Variants in MAPKAP1 observed in about 807,000 individuals in gnomAD.
The protein encoded by MAPKAP1 is target of rapamycin complex 2 subunit MAPKAP1.
MAPKAP1 carries 20 observed loss-of-function variants against 65.7 expected under a neutral mutation model. That is an observed-to-expected ratio of 0.30 (90% CI 0.21 to 0.44). The LOEUF is 0.44. MAPKAP1 is among the 20% of genes least tolerant of loss of function. MAPKAP1 has a pLI of 1.00. For synonymous variants in MAPKAP1, 222 were observed against 244.3 expected, an observed-to-expected ratio of 0.91 and a Z score of 0.85; for missense variants, 423 against 648.0, an observed-to-expected ratio of 0.65 and a Z score of 3.77.
At chr9:125,615,403 A>C (rs551698555) in intron 4 of MAPKAP1, among the ~76,000 whole-genome samples, 3 of 152,122 alleles carry the variant, frequency 2.0e-5, no homozygotes, top group Non-Finnish European at 4.4e-5. Context: ...AAATGTATAT[A>C]TGGAAGGGGC....
At chr9:125,514,560 C>G (rs1338885811) in intron 7 of MAPKAP1, among the ~76,000 whole-genome samples, 1 of 152,140 alleles carries the variant, frequency 6.6e-6, no homozygotes, top group Non-Finnish European at 1.5e-5. Context: ...AACTGTGAAT[C>G]CTGGCTGCCG....
chr9:125,668,137 G>C (rs1834393947), intron 3 of MAPKAP1, among the ~76,000 whole-genome samples: 1 of 152,228 alleles, frequency 6.6e-6, no homozygotes, highest in Non-Finnish European at 1.5e-5. Context: ...AAGGATACTT[G>C]AGTTTATAAC....
At chr9:125,658,547 C>A (rs945253664) in intron 3 of MAPKAP1, among the ~76,000 whole-genome samples, 1 of 152,130 alleles carries the variant, frequency 6.6e-6, no homozygotes, top group African/African-American at 2.4e-5. Flanking sequence ...TAATAAGTAA[C>A]AGAACTAGAA....
intron 1 of MAPKAP1, among the ~76,000 whole-genome samples, chr9:125,691,448 G>A (rs551923384): frequency 1.7e-3 from 264 of 152,206 alleles, no homozygotes; most frequent in Non-Finnish European, 3.0e-3. Context: ...CACAATGAGC[G>A]GGCTTCAGAT....
intron 10 of MAPKAP1, among the ~76,000 whole-genome samples, chr9:125,458,176 T>C (rs1451031770): frequency 6.6e-6 from 1 of 152,104 alleles, no homozygotes; most frequent in African/African-American, 2.4e-5. Flanking sequence ...GAAAGGCTAA[T>C]CTGGTCGAAG....
intron 9 of MAPKAP1, among the ~76,000 whole-genome samples, chr9:125,477,411 T>C (rs1854149612): frequency 6.6e-6 from 1 of 152,114 alleles, no homozygotes; most frequent in Non-Finnish European, 1.5e-5. Context: ...GACAAAGAGA[T>C]AAGGGGTAAG....
At chr9:125,641,033 A>C (rs1239168148) in intron 4 of MAPKAP1, among the ~76,000 whole-genome samples, 2 of 152,250 alleles carry the variant, frequency 1.3e-5, no homozygotes, top group Non-Finnish European at 2.9e-5. Flanking sequence ...CAAGTTGTTT[A>C]ATCTCTATCA....
chr9:125,639,541 C>T (rs193219673), intron 4 of MAPKAP1, among the ~76,000 whole-genome samples: 41 of 152,270 alleles, frequency 2.7e-4, no homozygotes, highest in Admixed American at 2.0e-3. Flanking sequence ...ATTCTCCCTC[C>T]GTCCCACCTA....
intron 1 of MAPKAP1, among the ~76,000 whole-genome samples, chr9:125,698,334 T>TATATATATATAA (rs1564622652): frequency 2.7e-5 from 3 of 112,228 alleles, no homozygotes; most frequent in Non-Finnish European, 5.4e-5. Flanking sequence ...TATATATATA[T>TATATATATATAA]ATAAAATATA....
At chr9:125,636,374 T>C (rs1225398717) in intron 4 of MAPKAP1, among the ~76,000 whole-genome samples, 1 of 152,114 alleles carries the variant, frequency 6.6e-6, no homozygotes, top group Non-Finnish European at 1.5e-5. Context: ...AAGTACTGGT[T>C]TGAAAATACA....
chr9:125,701,280 G>T (rs569482445), intron 1 of MAPKAP1, among the ~76,000 whole-genome samples: 156 of 152,270 alleles, frequency 1.0e-3, no homozygotes, highest in Admixed American at 3.3e-3. Flanking sequence ...TACACATTCA[G>T]TATACTTTGC....
chr9:125,590,003 G>T (rs946690709), intron 4 of MAPKAP1, among the ~76,000 whole-genome samples: 1 of 152,146 alleles, frequency 6.6e-6, no homozygotes, highest in Non-Finnish European at 1.5e-5. Flanking sequence ...GCAAACAGTG[G>T]GAATCTTTCT....
intron 9 of MAPKAP1, among the ~76,000 whole-genome samples, chr9:125,482,645 G>T (rs1028021846): frequency 1.3e-5 from 2 of 152,126 alleles, no homozygotes; most frequent in African/African-American, 4.8e-5. Flanking sequence ...GTGAAATGAT[G>T]TACATAATTT....
chr9:125,493,234 A>C (rs1854801621), intron 8 of MAPKAP1, among the ~76,000 whole-genome samples: 1 of 152,050 alleles, frequency 6.6e-6, no homozygotes, highest in Admixed American at 6.5e-5. Context: ...TCTTATTGCT[A>C]CTCCCCACGC....
chr9:125,654,083 G>A (rs1198286738), intron 4 of MAPKAP1, among the ~76,000 whole-genome samples: 2 of 152,170 alleles, frequency 1.3e-5, no homozygotes, highest in African/African-American at 4.8e-5. Context: ...AATCTGAAAC[G>A]GGTGGAGAAA....
chr9:125,581,939 A>G (rs1831638821), intron 5 of MAPKAP1, among the ~76,000 whole-genome samples: 1 of 151,962 alleles, frequency 6.6e-6, no homozygotes, highest in South Asian at 2.1e-4. Context: ...ATTCTTTGAC[A>G]TTATCTCTTC....
intron 4 of MAPKAP1, among the ~76,000 whole-genome samples, chr9:125,637,583 TTA>T (rs1833461708): frequency 1.3e-5 from 2 of 152,214 alleles, no homozygotes; most frequent in African/African-American, 4.8e-5. Flanking sequence ...TGGCTTGCTT[TTA>T]TTCATTCATT....
chr9:125,547,551 G>A (rs373375599), intron 6 of MAPKAP1, among the ~76,000 whole-genome samples: 1 of 152,150 alleles, frequency 6.6e-6, no homozygotes, highest in Admixed American at 6.5e-5. Flanking sequence ...AAAGGGAGTC[G>A]ACGTTAGTTC....
At chr9:125,554,609 G>A (rs758273525) in intron 6 of MAPKAP1, among the ~76,000 whole-genome samples, 1 of 151,926 alleles carries the variant, frequency 6.6e-6, no homozygotes, top group Non-Finnish European at 1.5e-5. Flanking sequence ...GACCAGCCTG[G>A]GCAACACAGT....
Sources: allele counts gnomAD v4.1 joint callset (sites outside exome capture counted in the v4.1 genomes callset), GRCh38; gene constraint gnomAD v4.1.1; transcripts MANE v1.5; gene names NCBI Gene and HGNC (gene_info 2026-07-23, HGNC 2026-07-21).